The following IL1RAPL2 variants were observed in gnomAD, a reference collection of about 807,000 sequenced individuals.
IL1RAPL2 encodes X-linked interleukin-1 receptor accessory protein-like 2.
Under a neutral mutation model 44.1 loss-of-function variants are expected in IL1RAPL2, and 3 were observed. The observed-to-expected ratio is 0.07, with a 90% CI of 0.03 to 0.18. The LOEUF (loss-of-function observed/expected upper bound fraction) is 0.18. IL1RAPL2 is among the 10% of genes least tolerant of loss of function. IL1RAPL2 has a pLI of 1.00. For synonymous variants in IL1RAPL2, 181 were observed against 178.8 expected, an observed-to-expected ratio of 1.01 and a Z score of -0.10; for missense variants, 391 against 496.4, an observed-to-expected ratio of 0.79 and a Z score of 2.02.
At chrX:104,748,492 TA>T (rs1271345188) in intron 2 of IL1RAPL2, among the ~76,000 whole-genome samples, 1 of 111,526 alleles carries the variant, frequency 9.0e-6, no homozygotes, top group Non-Finnish European at 1.9e-5. Context: ...CCAAATAGAA[TA>T]CAGTGAAAGT....
intron 6 of IL1RAPL2, among the ~76,000 whole-genome samples, chrX:105,543,013 C>T (rs935062437): frequency 1.8e-5 from 2 of 111,314 alleles, no homozygotes; most frequent in African/African-American, 6.5e-5. Flanking sequence ...ACATAACTAC[C>T]ACTGTTTAAT....
intron 4 of IL1RAPL2, 27 bp downstream of exon 4, chrX:105,234,031 A>G (rs782068919): frequency 4.4e-6 from 5 of 1,130,588 alleles, no homozygotes; most frequent in Non-Finnish European, 6.0e-6. Context: ...TCAAATTCAT[A>G]TTTTACCTCA....
chrX:105,128,409 C>A (rs1327610322), intron 2 of IL1RAPL2, among the ~76,000 whole-genome samples: 1 of 110,997 alleles, frequency 9.0e-6, no homozygotes, highest in Non-Finnish European at 1.9e-5. Context: ...ATCTACACAA[C>A]TTTCTATATG....
chrX:105,324,199 G>A (rs1193374730), intron 5 of IL1RAPL2, among the ~76,000 whole-genome samples: 1 of 110,854 alleles, frequency 9.0e-6, no homozygotes, highest in Non-Finnish European at 1.9e-5. Flanking sequence ...GAGCACAGCA[G>A]AGGAGTTGAA....
chrX:105,192,124 G>A (rs1556137639), intron 2 of IL1RAPL2, among the ~76,000 whole-genome samples: 1 of 112,236 alleles, frequency 8.9e-6, no homozygotes, highest in East Asian at 2.8e-4. Flanking sequence ...TCAGTAGCCT[G>A]CACCTTTGTC....
intron 2 of IL1RAPL2, among the ~76,000 whole-genome samples, chrX:105,073,288 T>A (rs1277614533): frequency 5.2e-5 from 5 of 96,816 alleles, no homozygotes; most frequent in Non-Finnish European, 1.0e-4. Flanking sequence ...AGTGAGAACA[T>A]GCGGTGTTTG....
intron 2 of IL1RAPL2, among the ~76,000 whole-genome samples, chrX:104,877,846 G>A (rs1236483660): frequency 1.8e-5 from 2 of 111,455 alleles, no homozygotes; most frequent in Non-Finnish European, 3.8e-5. Flanking sequence ...TGGCAAACAA[G>A]CTCATAGAGA....
chrX:104,573,365 A>T, intron 1 of IL1RAPL2, among the ~76,000 whole-genome samples: 1 of 112,379 alleles, frequency 8.9e-6, no homozygotes. Context: ...TGATAGCCAC[A>T]TGTGGTCAGT....
At chrX:104,800,636 T>C (rs1932879080) in intron 2 of IL1RAPL2, among the ~76,000 whole-genome samples, 1 of 112,834 alleles carries the variant, frequency 8.9e-6, no homozygotes, top group African/African-American at 3.2e-5. Context: ...CATTATGTAG[T>C]ACATTTTCAT....
At chrX:104,863,111 G>A (rs751892051) in intron 2 of IL1RAPL2, among the ~76,000 whole-genome samples, 5 of 111,843 alleles carry the variant, frequency 4.5e-5, no homozygotes, top group Non-Finnish European at 9.4e-5. Flanking sequence ...ACAGTTGGAG[G>A]ATGTAGCTGA....
chrX:104,935,592 T>C (rs185511930), intron 2 of IL1RAPL2, among the ~76,000 whole-genome samples: 49 of 112,427 alleles, frequency 4.4e-4, no homozygotes, highest in African/African-American at 1.5e-3. Context: ...TTGTGACTTC[T>C]AGCCGAGGCT....
rs2031830937 is a variant in IL1RAPL2 at position 105,045,888 on chromosome X, AT to A, written c.83-149584del. Among the ~76,000 whole-genome samples the A allele has an allele frequency of 5.4e-5, 6 of 111,208 alleles. No individual in the cohort carries two copies. The Admixed American group carries it at 5.8e-4, about 11-fold the overall frequency. ...CTGCTTGACTTTTTAAAGTATGTAC[AT>A]TTATTACTTAGATTAAAAAATTAAT... On this transcript the variant is annotated intron_variant, in intron 2 of 10. Transcript: ENST00000372582.
At chrX:104,946,379 C>CAAAAAAAA (rs1157603029) in intron 2 of IL1RAPL2, among the ~76,000 whole-genome samples, 1,148 of 9,131 alleles carry the variant, frequency 0.13, 465 homozygotes, top group Middle Eastern at 0.33. Flanking sequence ...GACTCCGTCT[C>CAAAAAAAA]AAAAAAAAAA....
chrX:105,616,325 T>C (rs1349176216), intron 6 of IL1RAPL2, among the ~76,000 whole-genome samples: 2 of 112,289 alleles, frequency 1.8e-5, no homozygotes, highest in African/African-American at 6.5e-5. Flanking sequence ...TTCAACTTAT[T>C]TGTAAAGTTT....
At chrX:104,738,482 T>G (rs1364597532) in intron 2 of IL1RAPL2, among the ~76,000 whole-genome samples, 1 of 112,312 alleles carries the variant, frequency 8.9e-6, no homozygotes, top group Non-Finnish European at 1.9e-5. Flanking sequence ...AATGTTATGG[T>G]CAACCCTTGC....
chrX:105,138,366 G>T (rs1387064050), intron 2 of IL1RAPL2, among the ~76,000 whole-genome samples: 1 of 109,061 alleles, frequency 9.2e-6, no homozygotes, highest in African/African-American at 3.3e-5. Flanking sequence ...CAATAATGGA[G>T]CACCTTTCAT....
chrX:105,287,052 A>G (rs766568160), intron 5 of IL1RAPL2, among the ~76,000 whole-genome samples: 49 of 112,088 alleles, frequency 4.4e-4, no homozygotes, highest in Non-Finnish European at 7.3e-4. Flanking sequence ...AGAGCTTAAA[A>G]TCTAGTGGAG....
intron 2 of IL1RAPL2, among the ~76,000 whole-genome samples, chrX:104,666,858 T>C (rs192393129): frequency 8.9e-6 from 1 of 112,081 alleles, no homozygotes; most frequent in African/African-American, 3.2e-5. Context: ...AGAATATGCA[T>C]GACTTTCCTA....
chrX:104,600,801 G>A (rs964308702), intron 1 of IL1RAPL2, among the ~76,000 whole-genome samples: 4 of 111,453 alleles, frequency 3.6e-5, no homozygotes, highest in African/African-American at 1.3e-4. Context: ...AATTTGTTTA[G>A]GATAATGGCT....
Sources: gnomAD v4.1 joint callset for allele counts (sites outside exome capture counted in the v4.1 genomes callset) on GRCh38, gnomAD v4.1.1 for gene constraint, MANE v1.5 for transcripts, NCBI Gene and HGNC (gene_info 2026-07-23, HGNC 2026-07-21) for gene names.